The following SNX6 variants were observed in gnomAD, a reference collection of about 807,000 sequenced individuals.
SNX6 encodes the protein sorting nexin-6.
SNX6 carries 34 observed loss-of-function variants against 63.0 expected under a neutral mutation model. That is an observed-to-expected ratio of 0.54 (90% CI 0.41 to 0.72). The LOEUF is 0.72. Ranked by LOEUF, SNX6 falls within the 30% of genes least tolerant of loss-of-function variation. SNX6 has a pLI of 0.00. For synonymous variants in SNX6, 170 were observed against 164.2 expected (o/e 1.04, Z -0.27); for missense variants, 398 against 471.4 (o/e 0.84, Z 1.44).
At chr14:34,603,293 A>C in intron 6 of SNX6, 55 bp downstream of exon 6, 1 of 1,542,302 alleles carries the variant, frequency 6.5e-7, no homozygotes, top group Non-Finnish European at 8.7e-7. Flanking sequence ...CTCAAAAAAA[A>C]AAAGAAGAAG....
chr14:34,578,958 A>AAAAAAAAAAAAAAAAAAAAAAC, intron 10 of SNX6, among the ~76,000 whole-genome samples: 1 of 147,576 alleles, frequency 6.8e-6, no homozygotes, highest in Non-Finnish European at 1.5e-5. Flanking sequence ...AAAAAAAAAA[A>AAAAAAAAAAAAAAAAAAAAAAC]AAAAAAAAGG....
intron 9 of SNX6, among the ~76,000 whole-genome samples, chr14:34,585,802 A>G (rs1882126791): frequency 6.6e-6 from 1 of 151,898 alleles, no homozygotes; most frequent in Non-Finnish European, 1.5e-5. Context: ...GGGTTTAGCA[A>G]TGTTGGCCAG....
intron 11 of SNX6, among the ~76,000 whole-genome samples, chr14:34,574,725 A>AT (rs141270578): frequency 0.018 from 2,687 of 146,534 alleles, 37 homozygotes; most frequent in Middle Eastern, 0.08. Flanking sequence ...TACCAAATTC[A>AT]TTTTTTTTTT....
intron 7 of SNX6, among the ~76,000 whole-genome samples, 165 bp downstream of exon 7, chr14:34,597,385 C>T (rs1882647091): frequency 6.6e-6 from 1 of 152,174 alleles, no homozygotes; most frequent in East Asian, 1.9e-4. Context: ...AGGGAACGCT[C>T]TAAAGAGAGG....
intron 11 of SNX6, among the ~76,000 whole-genome samples, chr14:34,571,261 G>A (rs1433278108): frequency 3.3e-5 from 5 of 151,452 alleles, no homozygotes; most frequent in African/African-American, 7.3e-5. Context: ...GTGAAACCCC[G>A]TCTGTACTAA....
chr14:34,602,975 C>CA (rs755501321), intron 6 of SNX6, among the ~76,000 whole-genome samples: 3,585 of 92,040 alleles, frequency 0.039, 36 homozygotes, highest in Admixed American at 0.045. Flanking sequence ...GACTCCGTCT[C>CA]AAAAAAAAAA....
At chr14:34,602,196 T>A (rs557004691) in intron 6 of SNX6, among the ~76,000 whole-genome samples, 5 of 151,552 alleles carry the variant, frequency 3.3e-5, no homozygotes, top group Admixed American at 2.6e-4. Flanking sequence ...GAGGCTAAGG[T>A]GGGAGGATCA....
chr14:34,569,185 T>A (rs1881330465), intron 11 of SNX6: 6 of 719,980 alleles, frequency 8.3e-6, no homozygotes, highest in South Asian at 2.9e-5. Context: ...TCCGTTTTTT[T>A]AAGTAACAGC....
intron 2 of SNX6, among the ~76,000 whole-genome samples, chr14:34,614,602 A>T (rs1401737538): frequency 6.6e-6 from 1 of 152,116 alleles, no homozygotes; most frequent in African/African-American, 2.4e-5. Flanking sequence ...TCAGCTGTTA[A>T]TATGTTGTTC....
At chr14:34,606,545 T>C (rs1883028087) in intron 4 of SNX6, among the ~76,000 whole-genome samples, 1 of 151,456 alleles carries the variant, frequency 6.6e-6, no homozygotes, top group African/African-American at 2.4e-5. Context: ...CTCTGCCTCC[T>C]GGGTTCAAGT....
At chr14:34,596,480 G>A (rs1383524702) in intron 7 of SNX6, among the ~76,000 whole-genome samples, 4 of 150,890 alleles carry the variant, frequency 2.7e-5, no homozygotes, top group Admixed American at 2.6e-4. Flanking sequence ...TTAGCCAGGC[G>A]TGGTGGCATG....
intron 4 of SNX6, among the ~76,000 whole-genome samples, chr14:34,607,124 C>G (rs182854271): frequency 6.6e-6 from 1 of 152,106 alleles, no homozygotes; most frequent in African/African-American, 2.4e-5. Flanking sequence ...TCTCCTTAAT[C>G]CCTAGGACAA....
At chr14:34,609,770 G>A in intron 2 of SNX6, 28 bp from the exon 3 acceptor site, 4 of 1,405,204 alleles carry the variant, frequency 2.8e-6, no homozygotes, top group Non-Finnish European at 4.0e-6. Flanking sequence ...GTATCTTCAT[G>A]AAAATCATGT....
chr14:34,566,526 G>A (rs2138256876), intron 13 of SNX6, among the ~76,000 whole-genome samples: 1 of 152,276 alleles, frequency 6.6e-6, no homozygotes, highest in African/African-American at 2.4e-5. Flanking sequence ...ATTTTTAAAT[G>A]TTTTTATTAA....
chr14:34,579,489 T>TTAGG (rs1881850896), intron 10 of SNX6, among the ~76,000 whole-genome samples: 1 of 151,932 alleles, frequency 6.6e-6, no homozygotes, highest in East Asian at 1.9e-4. Flanking sequence ...ACATCTGTAG[T>TTAGG]CCTAACTACT....
intron 5 of SNX6, among the ~76,000 whole-genome samples, chr14:34,603,900 T>G (rs1035203387): frequency 2.6e-5 from 4 of 152,076 alleles, no homozygotes; most frequent in African/African-American, 9.7e-5. Context: ...ATTTTCAACG[T>G]TAATAATTAT....
intron 2 of SNX6, among the ~76,000 whole-genome samples, chr14:34,614,574 TTC>T (rs1040373669): frequency 6.6e-6 from 1 of 152,222 alleles, no homozygotes; most frequent in African/African-American, 2.4e-5. Context: ...TGCCTTTATA[TTC>T]TGTCAAAATT....
intron 7 of SNX6, 37 bp downstream of exon 7, chr14:34,597,513 C>A: frequency 8.3e-7 from 1 of 1,202,822 alleles, no homozygotes; most frequent in East Asian, 2.3e-5. Flanking sequence ...TAAAAGAAGT[C>A]TCAACTAATA....
chr14:34,618,526 T>C (rs530447042), intron 2 of SNX6, among the ~76,000 whole-genome samples: 1 of 152,296 alleles, frequency 6.6e-6, no homozygotes, highest in African/African-American at 2.4e-5. Context: ...AATTTTTGTA[T>C]TTTTAGTAGA....
Sources: gnomAD v4.1 joint callset for allele counts (sites outside exome capture counted in the v4.1 genomes callset) on GRCh38, gnomAD v4.1.1 for gene constraint, MANE v1.5 for transcripts, NCBI Gene and HGNC (gene_info 2026-07-23, HGNC 2026-07-21) for gene names.